Variants in LYST observed in about 807,000 individuals in gnomAD.
LYST encodes the protein lysosomal-trafficking regulator.
A neutral mutation model predicts 413.6 loss-of-function variants in LYST; 192 were observed. The observed-to-expected ratio is 0.46, with a 90% CI of 0.41 to 0.52. LYST has a LOEUF of 0.52. LYST is among the 20% of genes least tolerant of loss of function. The probability of loss-of-function intolerance (pLI) is 0.00; values close to 1 mark genes in which losing one functional copy is unlikely to be tolerated. For synonymous variants in LYST, 1,525 were observed against 1,567.3 expected (o/e 0.97, Z 0.64); for missense variants, 3,815 against 4,499.9 (o/e 0.85, Z 4.35).
intron 28 of LYST, among the ~76,000 whole-genome samples, chr1:235,746,900 C>T (rs191645024): frequency 2.6e-4 from 39 of 152,232 alleles, no homozygotes; most frequent in African/African-American, 8.4e-4. Context: ...TTTTAATGCA[C>T]ATAATTTTTT....
rs188312797 is a variant in LYST, at chr1:235,667,659, C to T, written c.11039-3038G>A. ...TTTGCATATAACCTCTGCACATCCT[C>T]CTGTATTCTTTTTTTTTTTTCTTTT... On this transcript the variant is annotated intron_variant, in intron 50 of 52. Coordinates refer to ENST00000389793, the MANE Select transcript of LYST (RefSeq NM_000081.4). Among the ~76,000 whole-genome samples, 678 of 152,062 alleles carry T rather than the reference C, an allele frequency of 4.5e-3. 8 individuals carry two copies. Among genetic ancestry groups the T allele is most frequent in the Middle Eastern group, 6.8e-3 (2 of 294 alleles).
chr1:235,755,289 T>G (rs1558193830), intron 25 of LYST, among the ~76,000 whole-genome samples, 189 bp downstream of exon 25: 1 of 151,418 alleles, frequency 6.6e-6, no homozygotes, highest in Non-Finnish European at 1.5e-5. Flanking sequence ...CTCAGGAGGT[T>G]GAGGCAGGAG....
At chr1:235,797,760 A>T (rs1366566305) in intron 10 of LYST, among the ~76,000 whole-genome samples, 2 of 152,100 alleles carry the variant, frequency 1.3e-5, no homozygotes, top group Non-Finnish European at 2.9e-5. Flanking sequence ...CAAACTAAAT[A>T]AAAAAATAGA....
intron 1 of LYST, among the ~76,000 whole-genome samples, chr1:235,865,437 A>G (rs376127880): frequency 1.2e-4 from 19 of 152,242 alleles, no homozygotes; most frequent in Non-Finnish European, 5.9e-5. Flanking sequence ...TCCATGAAGG[A>G]GCAGATATTT....
At chr1:235,681,357 G>A (rs1659801684) in intron 48 of LYST, among the ~76,000 whole-genome samples, 1 of 152,182 alleles carries the variant, frequency 6.6e-6, no homozygotes, top group African/African-American at 2.4e-5. Context: ...GGTAGAGGGG[G>A]CAGTGAGGCA....
chr1:235,772,626 T>G (rs959380839), intron 19 of LYST, among the ~76,000 whole-genome samples: 1 of 152,190 alleles, frequency 6.6e-6, no homozygotes, highest in African/African-American at 2.4e-5. Flanking sequence ...TGCCTACATC[T>G]AAGATCAATC....
At chr1:235,826,856 AT>A (rs1675389225) in intron 3 of LYST, among the ~76,000 whole-genome samples, 1 of 151,720 alleles carries the variant, frequency 6.6e-6, no homozygotes, top group Non-Finnish European at 1.5e-5. Flanking sequence ...TAATTTTTGT[AT>A]TTTTTTGTAG....
intron 36 of LYST, 40 bp from the exon 37 acceptor site, chr1:235,729,697 T>C: frequency 7.2e-7 from 1 of 1,397,872 alleles, no homozygotes; most frequent in Non-Finnish European, 1.0e-6. Context: ...CTAAATGTTC[T>C]GACCAATTTC....
At chr1:235,860,203 A>C (rs1407431516) in intron 1 of LYST, among the ~76,000 whole-genome samples, 1 of 152,188 alleles carries the variant, frequency 6.6e-6, no homozygotes, top group Non-Finnish European at 1.5e-5. Flanking sequence ...TTTTTAGAAG[A>C]GTTTTAGGTT....
At position 235,804,625 on chromosome 1, in the gene LYST, TG is replaced by T. The variant is rs760317441; in HGVS notation, c.3433del (p.His1145IlefsTer7). The T allele has an allele frequency of 3.7e-6, 6 of 1,609,928 alleles. No individual in the cohort carries two copies. The highest frequency in any genetic ancestry group is 4.2e-6 in the Non-Finnish European group (5 of 1,176,498). ...VESILFEMRD[H>X]LSQSKVIETQ... Reference sequence around the variant, plus strand: ...TTCAATCACCTTTGACTGGGAAAGATGGTCCCTCATTTCAAATAATATACTT... The same window carrying T: ...TTCAATCACCTTTGACTGGGAAAGATGTCCCTCATTTCAAATAATATACTT... On this transcript the variant is annotated frameshift_variant, in exon 7 of 53. Transcript: ENST00000389793. LOFTEE classifies it high-confidence loss of function.
chr1:235,834,127 T>C (rs1052204259), intron 1 of LYST, among the ~76,000 whole-genome samples: 1 of 152,222 alleles, frequency 6.6e-6, no homozygotes, highest in Admixed American at 6.5e-5. Flanking sequence ...CAAACATTAA[T>C]TTATTAATCA....
At chr1:235,751,142 G>T in intron 28 of LYST, 68 bp downstream of exon 28, 2 of 1,381,180 alleles carry the variant, frequency 1.4e-6, no homozygotes, top group Non-Finnish European at 2.1e-6. Flanking sequence ...AGTGTGAATG[G>T]CATAAGAACA....
chr1:235,699,076 G>A (rs1661335671), intron 45 of LYST, among the ~76,000 whole-genome samples: 2 of 152,010 alleles, frequency 1.3e-5, no homozygotes, highest in Admixed American at 6.6e-5. Context: ...TTATATCATA[G>A]CATATTTATG....
rs1321870790 is a variant in LYST at position 235,776,952 on chromosome 1, T to C, written c.5460+111A>G. On this transcript the variant is annotated intron_variant, in intron 17 of 52. Transcript: ENST00000389793. ...ATATGTAATTTTTTTATGTTAAAAG[T>C]TTAATATAGTCGAGTGTAGCTTTTT... 4 of 880,234 alleles carry C rather than the reference T, an allele frequency of 4.5e-6. No individual in the cohort carries two copies. In the East Asian group the frequency reaches 1.1e-4, roughly 23 times the overall value. 54.5% of individuals were successfully genotyped at this position (880,234 alleles called of 1,614,324 possible). A position where few individuals can be genotyped will look rare whatever the true frequency, so the allele number is the denominator to read the frequency against.
chr1:235,709,013 G>T, intron 44 of LYST, 78 bp downstream of exon 44: 1 of 1,291,740 alleles, frequency 7.7e-7, no homozygotes, highest in Non-Finnish European at 1.1e-6. Context: ...TGTTTTAAAG[G>T]AATGGCCGAA....
chr1:235,755,611 G>A lies in LYST; in HGVS notation c.7096C>T (p.Gln2366Ter). ...CGATTCTTCAGAAATTTATCTTTTTGTTCCTTAGATGCTCTAGCAAAATAT... is the reference window on the plus strand; with the variant it reads ...CGATTCTTCAGAAATTTATCTTTTTATTCCTTAGATGCTCTAGCAAAATAT... ...DAYFARASKE[Q>*]KDKFLKNRGF... Residue 2366 changes from glutamine (Q) to a stop codon, truncating the protein, a stop_gained, in exon 25 of 53, where the codon CAA (glutamine) becomes TAA (stop). Transcript: ENST00000389793. LOFTEE classifies it high-confidence loss of function. 1 of 1,613,062 alleles carries A rather than the reference G, an allele frequency of 6.2e-7. No individual in the cohort carries two copies. The highest frequency in any genetic ancestry group is 8.5e-7 in the Non-Finnish European group (1 of 1,179,262).
chr1:235,781,810 A>G (rs1205161909), intron 15 of LYST, 117 bp downstream of exon 15: 2 of 712,452 alleles, frequency 2.8e-6, no homozygotes, highest in East Asian at 5.4e-5. Flanking sequence ...TAGCCAGGTT[A>G]ATTTACTTAG....
intron 28 of LYST, among the ~76,000 whole-genome samples, chr1:235,750,536 T>TG (rs1055769361): frequency 1.3e-5 from 2 of 152,124 alleles, no homozygotes; most frequent in Non-Finnish European, 2.9e-5. Context: ...AGATGGTGTG[T>TG]GTGTGTGCAT....
intron 3 of LYST, among the ~76,000 whole-genome samples, chr1:235,815,015 G>T (rs1391860869): frequency 6.6e-6 from 1 of 152,094 alleles, no homozygotes; most frequent in Non-Finnish European, 1.5e-5. Context: ...CTGCCAAACT[G>T]CAACTCATTC....
Sources: allele counts gnomAD v4.1 joint callset (sites outside exome capture counted in the v4.1 genomes callset), GRCh38; gene constraint gnomAD v4.1.1; transcripts MANE v1.5; gene names NCBI Gene and HGNC (gene_info 2026-07-23, HGNC 2026-07-21).